PMFBP1: variants seen among roughly 807,000 people sequenced by gnomAD.
PMFBP1 encodes the protein polyamine modulated factor 1 binding protein 1.
A neutral mutation model predicts 137.8 loss-of-function variants in PMFBP1; 131 were observed. The ratio of observed to expected loss-of-function variants is 0.95; its 90% CI spans 0.82 to 1.10. The LOEUF (loss-of-function observed/expected upper bound fraction) is 1.10, where lower values mean the gene tolerates loss of function less well. PMFBP1 is among the 50% of genes least tolerant of loss of function. The pLI is 0.00. For synonymous variants in PMFBP1, 490 were observed against 450.4 expected (o/e 1.09, Z -1.11); for missense variants, 1,199 against 1,175.4 (o/e 1.02, Z -0.29).
At chr16:72,190,232 G>C in the PMFBP1 span, among the ~76,000 whole-genome samples, 1 of 152,206 alleles carries the variant, frequency 6.6e-6, no homozygotes, top group Non-Finnish European at 1.5e-5. Flanking sequence ...TCTGAGCAAG[G>C]AGGGGGTTGG....
At chr16:72,178,421 G>A (rs2043265740), upstream of PMFBP1, among the ~76,000 whole-genome samples, 1 of 152,100 alleles carries the variant, frequency 6.6e-6, no homozygotes, top group South Asian at 2.1e-4. Context: ...ACTGTCACCT[G>A]CTATCTTTAG....
At chr16:72,217,370 TTTG>T in the PMFBP1 span, among the ~76,000 whole-genome samples, 1 of 152,196 alleles carries the variant, frequency 6.6e-6, no homozygotes, top group African/African-American at 2.4e-5. Flanking sequence ...TCAGAATGCT[TTTG>T]TTGTTTTTAT....
intron 5 of PMFBP1, among the ~76,000 whole-genome samples, chr16:72,143,728 G>C (rs1363230515): frequency 2.0e-5 from 3 of 151,082 alleles, no homozygotes; most frequent in Non-Finnish European, 4.4e-5. Flanking sequence ...GGGTGACAGA[G>C]TGAGACTCCA....
At chr16:72,125,006 G>A (rs2042433190) in intron 16 of PMFBP1, 72 bp from the exon 17 acceptor site, 2 of 1,562,880 alleles carry the variant, frequency 1.3e-6, no homozygotes, top group Non-Finnish European at 1.7e-6. Context: ...CAAGGCCAGA[G>A]GGTGCTTCCT....
chr16:72,119,946 T>A lies in PMFBP1; in HGVS notation c.2912A>T (p.Glu971Val). 1.2e-6 allele frequency: 2 copies of A among 1,614,244 alleles called. No individual in the cohort carries two copies. The highest frequency in any genetic ancestry group is 1.7e-6 in the Non-Finnish European group (2 of 1,180,040). Reference sequence around the variant, plus strand: ...CCAGCCCAAGGTGCCGCACACTTTCTCCCTCTGTGTGGACTCCGTTCTGCT... The same window carrying A: ...CCAGCCCAAGGTGCCGCACACTTTCACCCTCTGTGTGGACTCCGTTCTGCT... ...GPSRTESTQR[E>V]KVCGTLGWKG... Residue 971 changes from glutamate (E) to valine (V), a missense_variant, in exon 20 of 21, where the codon GAG becomes GTG. Transcript: ENST00000237353.
chr16:72,232,283 A>C, the PMFBP1 span, among the ~76,000 whole-genome samples: 2 of 152,168 alleles, frequency 1.3e-5, no homozygotes, highest in Non-Finnish European at 2.9e-5. Flanking sequence ...GGTTTTGCTG[A>C]ACAATAAATA....
At chr16:72,128,310 T>C in intron 14 of PMFBP1, 6 of 1,163,880 alleles carry the variant, frequency 5.2e-6, no homozygotes. Context: ...CATCTCCTTT[T>C]TGTGCTTTGT....
chr16:72,142,539 T>C (rs1388472246), intron 5 of PMFBP1, among the ~76,000 whole-genome samples: 1 of 152,218 alleles, frequency 6.6e-6, no homozygotes, highest in Non-Finnish European at 1.5e-5. Context: ...CAGCAGTATC[T>C]TTGAAGACTT....
chr16:72,240,871 T>C, the PMFBP1 span, among the ~76,000 whole-genome samples: 1 of 152,120 alleles, frequency 6.6e-6, no homozygotes, highest in African/African-American at 2.4e-5. Flanking sequence ...AACTCTGTTA[T>C]CTTTCCTTAT....
chr16:72,210,002 TA>T, the PMFBP1 span, among the ~76,000 whole-genome samples: 1 of 152,218 alleles, frequency 6.6e-6, no homozygotes, highest in South Asian at 2.1e-4. Context: ...CTATGGGTAG[TA>T]ACAGCTTCCT....
At chr16:72,132,242 C>A (rs2042559949) in intron 10 of PMFBP1, among the ~76,000 whole-genome samples, 1 of 152,132 alleles carries the variant, frequency 6.6e-6, no homozygotes, top group Non-Finnish European at 1.5e-5. Context: ...TTTTCATCAC[C>A]CCCAGAGAAA....
At chr16:72,225,790 A>C in the PMFBP1 span, among the ~76,000 whole-genome samples, 1 of 151,184 alleles carries the variant, frequency 6.6e-6, no homozygotes, top group Non-Finnish European at 1.5e-5. Context: ...TTTCGACATA[A>C]TCCTTTTCAC....
chr16:72,139,525 A>C, intron 6 of PMFBP1, 126 bp from the exon 7 acceptor site: 1 of 765,170 alleles, frequency 1.3e-6, no homozygotes, highest in African/African-American at 1.7e-5. Context: ...TTCATCAGGC[A>C]TTCCCTGTGG....
the PMFBP1 span, among the ~76,000 whole-genome samples, chr16:72,245,751 C>A: frequency 6.6e-6 from 1 of 152,184 alleles, no homozygotes; most frequent in African/African-American, 2.4e-5. Flanking sequence ...AGTCACACTG[C>A]CACTGCTCTT....
Position 72,150,752 on chromosome 16 carries a change from G to C in PMFBP1, c.492C>G (p.Leu164=). Reference sequence around the variant, plus strand: ...AGGCGATCTTGTCCCCGGCCAAGGCGAGTTGCTCCTGCGCCAAATGGAGCT... The same window carrying C: ...AGGCGATCTTGTCCCCGGCCAAGGCCAGTTGCTCCTGCGCCAAATGGAGCT... The part of the protein sequence containing the change: ...GEKLHLAQEQ[L]ALAGDKIASL... Residue 164 remains leucine (L), a synonymous_variant, in exon 5 of 21, where the codon CTC becomes CTG. Coordinates refer to ENST00000237353, the MANE Select transcript of PMFBP1 (RefSeq NM_031293.3). 6 of 1,614,200 alleles carry C rather than the reference G, an allele frequency of 3.7e-6. No individual in the cohort carries two copies. The highest frequency in any genetic ancestry group is 4.2e-6 in the Non-Finnish European group (5 of 1,180,040).
At chr16:72,225,440 A>G in the PMFBP1 span, among the ~76,000 whole-genome samples, 1 of 152,100 alleles carries the variant, frequency 6.6e-6, no homozygotes, top group African/African-American at 2.4e-5. Flanking sequence ...CTATAATCCC[A>G]GCAGTTAGGG....
the PMFBP1 span, among the ~76,000 whole-genome samples, chr16:72,219,532 C>T: frequency 7.7e-3 from 1,115 of 145,090 alleles, 12 homozygotes; most frequent in Non-Finnish European, 9.6e-3. Context: ...CTGGTGCCTA[C>T]GGGAGCTGCT....
chr16:72,134,390 C>T (rs2042594394), intron 9 of PMFBP1, among the ~76,000 whole-genome samples: 1 of 152,136 alleles, frequency 6.6e-6, no homozygotes, highest in Non-Finnish European at 1.5e-5. Flanking sequence ...TGCCATGTTG[C>T]CCAGGCTGGT....
At chr16:72,137,548 A>G (rs1259012562) in intron 7 of PMFBP1, among the ~76,000 whole-genome samples, 1 of 152,156 alleles carries the variant, frequency 6.6e-6, no homozygotes, top group Non-Finnish European at 1.5e-5. Context: ...GTGAGCTTTC[A>G]GGCGGGGAGA....
Sources: allele counts gnomAD v4.1 joint callset (sites outside exome capture counted in the v4.1 genomes callset), GRCh38; gene constraint gnomAD v4.1.1; transcripts MANE v1.5; gene names NCBI Gene and HGNC (gene_info 2026-07-23, HGNC 2026-07-21).